DLG2: variants seen among roughly 807,000 people sequenced by gnomAD.
The protein encoded by DLG2 is discs large MAGUK scaffold protein 2, also known as disks large homolog 2.
DLG2 carries 45 observed loss-of-function variants against 132.5 expected under a neutral mutation model. The observed-to-expected ratio is 0.34, with a 90% CI of 0.27 to 0.44. The LOEUF is 0.44. Among genes scored for constraint, DLG2 ranks in the 20% least tolerant of loss-of-function variants. The pLI is 1.00. For missense variants in DLG2, 1,045 were observed against 1,196.9 expected, an observed-to-expected ratio of 0.87 and a Z score of 1.87; for synonymous variants, 424 against 419.6, an observed-to-expected ratio of 1.01 and a Z score of -0.13.
chr11:83,548,248 A>G (rs1192799528), intron 19 of DLG2, among the ~76,000 whole-genome samples: 1 of 152,064 alleles, frequency 6.6e-6, no homozygotes, highest in African/African-American at 2.4e-5. Context: ...TTATGTGGCA[A>G]AGGAAACTTG....
Position 83,937,048 on chromosome 11 carries a change from T to G in DLG2, c.1341-6565A>C, listed in dbSNP as rs2081590972. Among the ~76,000 whole-genome samples, 2 of 152,206 alleles carry G rather than the reference T, an allele frequency of 1.3e-5. 1 individual carries two copies. The highest frequency in any genetic ancestry group is 4.8e-5 in the African/African-American group (2 of 41,448). ...TCTTACACTTTTGTAAACCTGCTTT[T>G]AAAGGCTTTGTATTGATTTTTAAAA... On this transcript the variant is annotated intron_variant, in intron 14 of 27. Coordinates refer to ENST00000376104, the MANE Select transcript of DLG2 (RefSeq NM_001142699.3).
intron 4 of DLG2, among the ~76,000 whole-genome samples, chr11:85,275,289 G>A (rs1053820957): frequency 4.0e-5 from 6 of 151,824 alleles, no homozygotes; most frequent in Non-Finnish European, 5.9e-5. Context: ...TATGATATCT[G>A]GTATTATATT....
At chr11:85,622,348 T>C (rs755248763) in intron 2 of DLG2, among the ~76,000 whole-genome samples, 6 of 152,076 alleles carry the variant, frequency 3.9e-5, no homozygotes, top group Non-Finnish European at 2.9e-5. Context: ...ATTGTGATAA[T>C]AGGCCTTATT....
rs768893676 is a variant in DLG2, at chr11:83,456,982, T to C, written c.*2836A>G. ...GAGGAGAGCAAAAAACAAATGCCTC[T>C]GCACTTAGCTGACAAATGGAATTTT... On this transcript the variant is annotated 3_prime_UTR_variant, in exon 28 of 28. Transcript: ENST00000376104. 6.6e-6 allele frequency: 1 copy of C among 152,658 alleles called. No homozygotes were observed. Among genetic ancestry groups the C allele is most frequent in the Non-Finnish European group, 1.5e-5 (1 of 68,032 alleles). 9.5% of individuals were successfully genotyped at this position (152,658 alleles called of 1,614,324 possible).
intron 7 of DLG2, among the ~76,000 whole-genome samples, chr11:84,445,683 G>A (rs2099031659): frequency 6.6e-6 from 1 of 152,100 alleles, no homozygotes; most frequent in Non-Finnish European, 1.5e-5. Flanking sequence ...TTGGGAGGCC[G>A]AGGCGGGTGG....
intron 3 of DLG2, among the ~76,000 whole-genome samples, chr11:85,357,817 A>C (rs1445023091): frequency 6.8e-6 from 1 of 147,346 alleles, no homozygotes; most frequent in Non-Finnish European, 1.5e-5. Context: ...GACAACTGTT[A>C]GAGGTGAATG....
At chr11:83,976,043 C>G (rs1266385616) in intron 12 of DLG2, among the ~76,000 whole-genome samples, 1 of 151,704 alleles carries the variant, frequency 6.6e-6, no homozygotes, top group Non-Finnish European at 1.5e-5. Flanking sequence ...ACGTTAAATT[C>G]TGAGATATAA....
intron 3 of DLG2, among the ~76,000 whole-genome samples, chr11:85,309,446 T>G (rs962644460): frequency 2.0e-5 from 3 of 150,584 alleles, no homozygotes; most frequent in Admixed American, 6.6e-5. Context: ...AAAAAAAAAT[T>G]AGCATGAAGT....
intron 8 of DLG2, among the ~76,000 whole-genome samples, chr11:84,218,812 G>T (rs961728085): frequency 4.6e-5 from 7 of 152,212 alleles, no homozygotes; most frequent in Non-Finnish European, 1.0e-4. Context: ...TTAGTGAGTA[G>T]AGGCCAGGGA....
chr11:83,985,624 T>C (rs993375423), intron 11 of DLG2, among the ~76,000 whole-genome samples: 1 of 152,130 alleles, frequency 6.6e-6, no homozygotes. Flanking sequence ...TTTCTGTTCC[T>C]GTGTTACTTT....
chr11:85,136,988 T>TTATATACA (rs2076178323), intron 5 of DLG2, among the ~76,000 whole-genome samples: 4 of 151,998 alleles, frequency 2.6e-5, no homozygotes, highest in Admixed American at 2.0e-4. Flanking sequence ...TTTATATTAA[T>TTATATACA]TATATACATA....
chr11:85,152,797 C>G (rs532011629), intron 5 of DLG2, among the ~76,000 whole-genome samples: 1 of 152,304 alleles, frequency 6.6e-6, no homozygotes, highest in South Asian at 2.1e-4. Context: ...AAATGTGTTT[C>G]TACCTTGTTA....
intron 18 of DLG2, among the ~76,000 whole-genome samples, chr11:83,702,939 T>A (rs2097123494): frequency 6.6e-6 from 1 of 152,206 alleles, no homozygotes; most frequent in Admixed American, 6.5e-5. Flanking sequence ...TGGTAAGGAA[T>A]TGCAGTTCTT....
chr11:83,483,731 A>AAATC (rs768207254), intron 22 of DLG2, among the ~76,000 whole-genome samples: 5 of 151,818 alleles, frequency 3.3e-5, no homozygotes, highest in Non-Finnish European at 7.4e-5. Context: ...GTTTATCTTT[A>AAATC]AATCAATAAA....
intron 4 of DLG2, among the ~76,000 whole-genome samples, chr11:85,254,998 C>CAA (rs200546899): frequency 4.6e-5 from 4 of 87,748 alleles, no homozygotes; most frequent in African/African-American, 8.5e-5. Flanking sequence ...GACTCCATCT[C>CAA]AAAAAAAAAA....
At chr11:84,042,038 T>C (rs546906336) in intron 11 of DLG2, among the ~76,000 whole-genome samples, 27 of 152,014 alleles carry the variant, frequency 1.8e-4, no homozygotes, top group African/African-American at 6.0e-4. Flanking sequence ...AACTGTAAGT[T>C]CAATAAACAA....
intron 3 of DLG2, among the ~76,000 whole-genome samples, chr11:85,562,346 A>T (rs549457595): frequency 5.5e-4 from 83 of 151,980 alleles, no homozygotes; most frequent in African/African-American, 1.9e-3. Flanking sequence ...CTTGGGTATC[A>T]GTGAGAAGAG....
rs571503161 is a variant in DLG2, at chr11:84,074,311, C to G, written c.750-14827G>C. Among the ~76,000 whole-genome samples the G allele has an allele frequency of 3.7e-4, 56 of 152,120 alleles. No homozygotes were observed. In the East Asian group the frequency reaches 7.6e-3, roughly 21 times the overall value. The stretch of plus-strand genomic sequence containing the variant: ...TCACCCTCTACATCCAATCCATTAA[C>G]AAGATTTTTAATTTCCTTCACCCTC... On this transcript the variant is annotated intron_variant, in intron 10 of 27. Coordinates refer to ENST00000376104, the MANE Select transcript of DLG2 (RefSeq NM_001142699.3).
intron 3 of DLG2, among the ~76,000 whole-genome samples, chr11:85,356,232 C>T (rs1596482335): frequency 6.6e-6 from 1 of 152,136 alleles, no homozygotes; most frequent in African/African-American, 2.4e-5. Flanking sequence ...ATAGTAATTC[C>T]ATATTCTTTT....
Sources: allele counts gnomAD v4.1 joint callset (sites outside exome capture counted in the v4.1 genomes callset), GRCh38; gene constraint gnomAD v4.1.1; transcripts MANE v1.5; gene names NCBI Gene and HGNC (gene_info 2026-07-23, HGNC 2026-07-21).